Variants in CCSER1 observed in about 807,000 individuals in gnomAD.
The protein encoded by CCSER1 is coiled-coil serine rich protein 1, also known as serine-rich coiled-coil domain-containing protein 1.
CCSER1 carries 41 observed loss-of-function variants against 82.0 expected under a neutral mutation model. The ratio of observed to expected loss-of-function variants is 0.50; its 90% confidence interval spans 0.39 to 0.65. CCSER1 has a LOEUF of 0.65. Among genes scored for constraint, CCSER1 ranks in the 30% least tolerant of loss-of-function variants. The probability of loss-of-function intolerance (pLI) is 0.00; values close to 1 mark genes in which losing one functional copy is unlikely to be tolerated. For missense variants in CCSER1, 1,119 were observed against 1,064.2 expected, an observed-to-expected ratio of 1.05 and a Z score of -0.72; for synonymous variants, 414 against 383.9, an observed-to-expected ratio of 1.08 and a Z score of -0.92.
chr4:91,413,719 A>T (rs1188707077), intron 10 of CCSER1, among the ~76,000 whole-genome samples: 1 of 152,096 alleles, frequency 6.6e-6, no homozygotes, highest in Non-Finnish European at 1.5e-5. Flanking sequence ...TCTAAGCAAG[A>T]TAAATTTAAA....
At chr4:91,115,288 C>T (rs1172395554) in intron 10 of CCSER1, among the ~76,000 whole-genome samples, 4 of 152,102 alleles carry the variant, frequency 2.6e-5, no homozygotes, top group Non-Finnish European at 5.9e-5. Context: ...CCAGTTTGTA[C>T]TCCTGTCTTA....
At chr4:91,150,777 G>A (rs1581653732) in intron 10 of CCSER1, among the ~76,000 whole-genome samples, 1 of 152,132 alleles carries the variant, frequency 6.6e-6, no homozygotes, top group African/African-American at 2.4e-5. Context: ...TACATTTATT[G>A]ATTTGCATAT....
At chr4:90,919,051 A>G (rs139424047) in intron 8 of CCSER1, among the ~76,000 whole-genome samples, 174 of 148,148 alleles carry the variant, frequency 1.2e-3, no homozygotes, top group Middle Eastern at 6.9e-3. Context: ...CAGGAAATAC[A>G]TTGGTAAATC....
At chr4:91,212,135 A>G (rs532338801) in intron 10 of CCSER1, among the ~76,000 whole-genome samples, 3 of 152,180 alleles carry the variant, frequency 2.0e-5, no homozygotes, top group African/African-American at 7.2e-5. Flanking sequence ...CATTTGGTAC[A>G]GTATTCACCT....
chr4:90,548,393 C>T (rs1777048593), intron 5 of CCSER1, among the ~76,000 whole-genome samples: 1 of 152,094 alleles, frequency 6.6e-6, no homozygotes, highest in Non-Finnish European at 1.5e-5. Flanking sequence ...TGCACATGAG[C>T]ATACACACAC....
intron 10 of CCSER1, among the ~76,000 whole-genome samples, chr4:91,157,226 A>T (rs186641057): frequency 6.6e-6 from 1 of 152,014 alleles, no homozygotes; most frequent in African/African-American, 2.4e-5. Flanking sequence ...TGTTGTTGTT[A>T]TTCGAAATCA....
intron 5 of CCSER1, among the ~76,000 whole-genome samples, chr4:90,613,742 G>C (rs913082429): frequency 2.0e-5 from 3 of 152,088 alleles, no homozygotes; most frequent in Non-Finnish European, 4.4e-5. Flanking sequence ...GGAACATAAA[G>C]GAACTGTTAA....
chr4:90,981,848 G>C (rs999902696), intron 9 of CCSER1, among the ~76,000 whole-genome samples: 1 of 151,716 alleles, frequency 6.6e-6, no homozygotes, highest in Non-Finnish European at 1.5e-5. Context: ...CATTTTTATA[G>C]GTGCCTTACC....
intron 10 of CCSER1, among the ~76,000 whole-genome samples, chr4:91,143,793 G>A (rs1729276027): frequency 6.6e-6 from 1 of 152,002 alleles, no homozygotes; most frequent in African/African-American, 2.4e-5. Context: ...ATTTGTGCAT[G>A]TTGAACCCAC....
At chr4:90,348,914 T>C (rs1742912569) in intron 3 of CCSER1, among the ~76,000 whole-genome samples, 1 of 152,204 alleles carries the variant, frequency 6.6e-6, no homozygotes, top group African/African-American at 2.4e-5. Context: ...ATCTTTTTTC[T>C]ATTAATCTCT....
At chr4:90,668,540 G>A (rs756204474) in intron 6 of CCSER1, among the ~76,000 whole-genome samples, 2 of 152,042 alleles carry the variant, frequency 1.3e-5, no homozygotes, top group Non-Finnish European at 2.9e-5. Flanking sequence ...TATTCAAAAT[G>A]CATCAGAGTA....
intron 7 of CCSER1, among the ~76,000 whole-genome samples, chr4:90,807,137 C>A (rs1276754521): frequency 6.6e-6 from 1 of 152,108 alleles, no homozygotes; most frequent in Admixed American, 6.6e-5. Context: ...TAGCACAGAA[C>A]TACCTGGCTA....
chr4:90,927,393 A>T (rs1293239624), intron 9 of CCSER1, among the ~76,000 whole-genome samples: 1 of 152,020 alleles, frequency 6.6e-6, no homozygotes. Flanking sequence ...TTCTGATGTT[A>T]TCAGGTATTT....
At chr4:90,247,737 T>C (rs1721695591) in intron 1 of CCSER1, among the ~76,000 whole-genome samples, 1 of 152,030 alleles carries the variant, frequency 6.6e-6, no homozygotes, top group African/African-American at 2.4e-5. Flanking sequence ...TAGGGAGATA[T>C]CTGGGCTATT....
At position 90,308,326 on chromosome 4, in the gene CCSER1, G is replaced by T. The variant is rs562834496; in HGVS notation, c.42G>T (p.Arg14=). Residue 14 remains arginine (R), a synonymous_variant, in exon 2 of 11, where the codon CGG becomes CGT. Coordinates refer to ENST00000509176, the MANE Select transcript of CCSER1 (RefSeq NM_001145065.2). ...CAAGACGATCTACCCTGGTCTCCCGGTTGCCAATATTCAGAAGAAGTATTA... is the reference window on the plus strand; with the variant it reads ...CAAGACGATCTACCCTGGTCTCCCGTTTGCCAATATTCAGAAGAAGTATTA... ...SGSRRSTLVS[R]LPIFRRSINR... is the part of the protein sequence containing the mutation. 22 of 1,605,430 alleles carry T rather than the reference G, an allele frequency of 1.4e-5. No individual in the cohort carries two copies. Among genetic ancestry groups the T allele is most frequent in the Non-Finnish European group, 1.7e-5 (20 of 1,175,770 alleles).
chr4:90,924,772 G>A (rs1393472708), intron 9 of CCSER1, among the ~76,000 whole-genome samples: 1 of 152,080 alleles, frequency 6.6e-6, no homozygotes, highest in East Asian at 1.9e-4. Context: ...TGTTGCCCAG[G>A]CTGGAGTGCA....
At chr4:91,585,672 GGAAGAACATTCCA>G (rs1763953215) in intron 10 of CCSER1, among the ~76,000 whole-genome samples, 1 of 151,296 alleles carries the variant, frequency 6.6e-6, no homozygotes, top group Non-Finnish European at 1.5e-5. Context: ...AAAAATGAAG[GGAAGAACATTCCA>G]GATAGAGGCT....
At chr4:91,276,612 A>AT (rs1227080665) in intron 10 of CCSER1, among the ~76,000 whole-genome samples, 2 of 151,838 alleles carry the variant, frequency 1.3e-5, no homozygotes, top group African/African-American at 4.8e-5. Flanking sequence ...TTTTACTTCC[A>AT]TTTTTTCAAT....
chr4:91,202,467 A>C (rs1423429467), intron 10 of CCSER1, among the ~76,000 whole-genome samples: 2 of 152,008 alleles, frequency 1.3e-5, no homozygotes, highest in East Asian at 3.9e-4. Flanking sequence ...TATATATTCC[A>C]TGACTCTAAG....
Sources: allele counts gnomAD v4.1 joint callset (sites outside exome capture counted in the v4.1 genomes callset), GRCh38; gene constraint gnomAD v4.1.1; transcripts MANE v1.5; gene names NCBI Gene and HGNC (gene_info 2026-07-23, HGNC 2026-07-21).